Variants in GPATCH11 observed in about 807,000 individuals in gnomAD.
GPATCH11 encodes the protein G-patch domain containing 11.
GPATCH11 carries 32 observed loss-of-function variants against 44.8 expected under a neutral mutation model. That is an observed-to-expected ratio of 0.71 (90% CI 0.54 to 0.96). The LOEUF (loss-of-function observed/expected upper bound fraction) is 0.96. GPATCH11 is among the 40% of genes least tolerant of loss of function. GPATCH11 has a pLI of 0.00. For missense variants in GPATCH11, 324 were observed against 303.1 expected (o/e 1.07, Z -0.51); for synonymous variants, 84 against 94.4 (o/e 0.89, Z 0.64).
At chr2:37,093,180 A>T (rs1241061334) in intron 6 of GPATCH11, among the ~76,000 whole-genome samples, 2 of 151,986 alleles carry the variant, frequency 1.3e-5, no homozygotes, top group African/African-American at 4.8e-5. Context: ...TATCTAGTTC[A>T]AATTTGAATA....
In GPATCH11 at chr2:37,089,752, G is replaced by A. The variant is rs943560159; in HGVS notation, c.172G>A (p.Glu58Lys). 6 of 1,551,812 alleles carry A rather than the reference G, an allele frequency of 3.9e-6. No individual in the cohort carries two copies. In the East Asian group the frequency reaches 9.8e-5, roughly 25 times the overall value. Residue 58 changes from glutamate (E) to lysine (K), a missense_variant, in exon 3 of 9, where the codon GAA (glutamate) becomes AAA (lysine). Glu to Lys is a moderately conservative substitution (Grantham distance 56). Coordinates refer to ENST00000674370, the MANE Select transcript of GPATCH11 (RefSeq NM_174931.4). ...LKNRQKSLKE[E>K]EQERRDIGLK... is the part of the protein sequence containing the mutation. Reference sequence around the variant, plus strand: ...AAACAGGCAGAAGAGTTTAAAAGAAGAAGAACAAGAAAGACGTGACATTGG... The same window carrying A: ...AAACAGGCAGAAGAGTTTAAAAGAAAAAGAACAAGAAAGACGTGACATTGG...
chr2:37,091,261 T>C (rs1673304628), intron 4 of GPATCH11, among the ~76,000 whole-genome samples: 2 of 151,396 alleles, frequency 1.3e-5, no homozygotes, highest in Non-Finnish European at 1.5e-5. Flanking sequence ...GAGGCAGAGA[T>C]TGCAGTGAGC....
rs1673663622 is a variant in GPATCH11 at position 37,097,844 on chromosome 2, T to G, written c.*1581T>G. 2 of 152,208 alleles carry G rather than the reference T, an allele frequency of 1.3e-5. No individual in the cohort carries two copies. The highest frequency in any genetic ancestry group is 4.8e-5 in the African/African-American group (2 of 41,450). The allele number at this position is 152,208 out of a possible 1,614,324, so 9.4% of individuals were successfully genotyped here. On this transcript the variant is annotated 3_prime_UTR_variant, in exon 9 of 9. Transcript: ENST00000674370. ...TCTGATGCCATTAGTCACTGTGACT[T>G]GGGCATCACTGCCCTTGATTCTAAA...
intron 2 of GPATCH11, 86 bp downstream of exon 2, chr2:37,088,526 A>T (rs940970729): frequency 5.4e-6 from 4 of 734,468 alleles, no homozygotes; most frequent in East Asian, 2.9e-5. Context: ...ATTTTATTTT[A>T]TTTTTTTGAG....
intron 2 of GPATCH11, among the ~76,000 whole-genome samples, chr2:37,088,752 G>A (rs1673167570): frequency 6.6e-6 from 1 of 152,134 alleles, no homozygotes; most frequent in Non-Finnish European, 1.5e-5. Context: ...CAACTCCTGG[G>A]CTCAGGCGAT....
rs1413635682 is a variant in GPATCH11, at chr2:37,096,190, C to T, written c.737-18C>T. The T allele has an allele frequency of 2.0e-6, 3 of 1,492,236 alleles. No homozygotes were observed. Among genetic ancestry groups the T allele is most frequent in the East Asian group, 4.6e-5 (2 of 43,540 alleles). 92.4% of individuals were successfully genotyped at this position (1,492,236 alleles called of 1,614,324 possible). ...TAGAAGTTGTATTAATCTTTCATTT[C>T]CCTCACATAACTTACAGATAAAGAA... On this transcript the variant is annotated intron_variant, in intron 8 of 8. Coordinates refer to ENST00000674370, the MANE Select transcript of GPATCH11 (RefSeq NM_174931.4).
rs971845430 is a variant in GPATCH11, at chr2:37,098,606, A to G, written c.*2343A>G. 2 of 152,218 alleles carry G rather than the reference A, an allele frequency of 1.3e-5. No individual in the cohort carries two copies. Among genetic ancestry groups the G allele is most frequent in the Non-Finnish European group, 2.9e-5 (2 of 68,066 alleles). 9.4% of individuals were successfully genotyped at this position (152,218 alleles called of 1,614,324 possible). On this transcript the variant is annotated 3_prime_UTR_variant, in exon 9 of 9. Coordinates refer to ENST00000674370, the MANE Select transcript of GPATCH11 (RefSeq NM_174931.4). ...GGCCTAAAATATTTTAAATATGTTC[A>G]TGACAATTATGCTGAGAATGCCAGG...
chr2:37,091,768 C>A, intron 4 of GPATCH11, 148 bp from the exon 5 acceptor site: 1 of 552,014 alleles, frequency 1.8e-6, no homozygotes, highest in East Asian at 3.2e-5. Context: ...TAAAAAAAAC[C>A]CTAGTGTTTT....
At chr2:37,086,458 C>CAAAATGTATATATCA (rs1306768612) in intron 1 of GPATCH11, among the ~76,000 whole-genome samples, 1 of 152,046 alleles carries the variant, frequency 6.6e-6, no homozygotes, top group African/African-American at 2.4e-5. Context: ...TTGTGTTTAA[C>CAAAATGTATATATCA]ACAAGATATA....
At chr2:37,088,242 T>C in intron 1 of GPATCH11, 127 bp from the exon 2 acceptor site, 5 of 453,232 alleles carry the variant, frequency 1.1e-5, no homozygotes. Context: ...TGTCCACAGA[T>C]AAAGATGTCC....
chr2:37,094,004 G>T (rs1270397028), intron 6 of GPATCH11, 78 bp from the exon 7 acceptor site: 4 of 910,822 alleles, frequency 4.4e-6, no homozygotes, highest in Non-Finnish European at 7.1e-6. Context: ...TTGAAAGAAT[G>T]AATTCATGTT....
chr2:37,088,386 A>G lies in GPATCH11; in HGVS notation c.5A>G (p.Lys2Arg), dbSNP rs1321170148. The change falls in exon 2 of 9, where the codon AAG (lysine) becomes AGG (arginine). Residue 2 changes from lysine (K) to arginine (R), a missense_variant. Coordinates refer to ENST00000674370, the MANE Select transcript of GPATCH11 (RefSeq NM_174931.4). The stretch of plus-strand genomic sequence containing the variant: ...ATTTGTAGATACTATAGCCATATGA[A>G]GTTGAACATGGCAGAAGAAGAGGAC... The part of the protein sequence containing the change: M[K>R]LNMAEEEDYM... 5.1e-6 allele frequency: 8 copies of G among 1,553,952 alleles called. No homozygotes were observed. In the African/African-American group the frequency reaches 9.5e-5, roughly 18 times the overall value.
chr2:37,084,689 G>C (rs778506374), intron 1 of GPATCH11, 119 bp downstream of exon 1: 7 of 805,916 alleles, frequency 8.7e-6, no homozygotes, highest in African/African-American at 1.8e-5. Flanking sequence ...GGGTGGTTGC[G>C]TCTGTGGGAC....
At chr2:37,085,641 T>C (rs1299985228) in intron 1 of GPATCH11, among the ~76,000 whole-genome samples, 1 of 152,240 alleles carries the variant, frequency 6.6e-6, no homozygotes, top group Non-Finnish European at 1.5e-5. Context: ...AAAAGAGAGT[T>C]GCAACTGGAT....
chr2:37,092,008 G>C lies in GPATCH11; in HGVS notation c.421G>C (p.Ala141Pro). ...AAAAAAGATTCACATGAAAAACCAA[G>C]CTGAAGAAAAAGCTGCAGAACAGTT... is the stretch of plus-strand genomic sequence containing the variant. ...YRKKIHMKNQAEEKAAEQFRM... is the reference protein window; with the variant it reads ...YRKKIHMKNQPEEKAAEQFRM... The change falls in exon 5 of 9, where the codon GCT becomes CCT. Residue 141 changes from alanine (A) to proline (P), a missense_variant. By Grantham distance (27) the Ala-to-Pro change is conservative. Coordinates refer to ENST00000674370, the MANE Select transcript of GPATCH11 (RefSeq NM_174931.4). 6.2e-7 allele frequency: 1 copy of C among 1,613,198 alleles called. No homozygotes were observed. The highest frequency in any genetic ancestry group is 1.7e-4 in the Middle Eastern group (1 of 6,056).
rs1205226657 is a variant in GPATCH11, at chr2:37,098,234, A to G, written c.*1971A>G. ...GCTACTCAGAAGGCGGAGGCATGAG[A>G]ATTGCTTGAACCTGGGAGGCAGATA... On this transcript the variant is annotated 3_prime_UTR_variant, in exon 9 of 9. Transcript: ENST00000674370. The G allele has an allele frequency of 6.6e-6, 1 of 151,680 alleles. No individual in the cohort carries two copies. Among genetic ancestry groups the G allele is most frequent in the Non-Finnish European group, 1.5e-5 (1 of 67,968 alleles). The allele number at this position is 151,680 out of a possible 1,614,324, so 9.4% of individuals were successfully genotyped here.
chr2:37,096,441 A>C lies in GPATCH11; in HGVS notation c.*178A>C. ...TCATTGACTTGAAAAAAATAATGCA[A>C]TGGCATTTCAGAACACAAGTATCAC... is the stretch of plus-strand genomic sequence containing the variant. On this transcript the variant is annotated 3_prime_UTR_variant, in exon 9 of 9. Coordinates refer to ENST00000674370, the MANE Select transcript of GPATCH11 (RefSeq NM_174931.4). 1.8e-6 allele frequency: 1 copy of C among 570,354 alleles called. No individual in the cohort carries two copies. The highest frequency in any genetic ancestry group is 3.6e-5 in the Admixed American group (1 of 27,444). 35.3% of individuals were successfully genotyped at this position (570,354 alleles called of 1,614,324 possible).
At chr2:37,092,971 C>G (rs1673406453) in intron 6 of GPATCH11, among the ~76,000 whole-genome samples, 1 of 152,106 alleles carries the variant, frequency 6.6e-6, no homozygotes, top group Non-Finnish European at 1.5e-5. Flanking sequence ...CATTTCAAGA[C>G]TCCATCTCTA....
In GPATCH11 at chr2:37,089,724, G is replaced by C. The variant is rs1295986223; in HGVS notation, c.144G>C (p.Leu48Phe). 15 of 1,551,756 alleles carry C rather than the reference G, an allele frequency of 9.7e-6. No individual in the cohort carries two copies. The highest frequency in any genetic ancestry group is 1.3e-5 in the Non-Finnish European group (15 of 1,147,038). The change falls in exon 3 of 9, where the codon TTG becomes TTC. Residue 48 changes from leucine (L) to phenylalanine (F), a missense_variant. By Grantham distance (22) the Leu-to-Phe change is conservative. Transcript: ENST00000674370. ...AAGAAAAGCAACAGGAAGCCAATTT[G>C]AAAAACAGGCAGAAGAGTTTAAAAG... is the stretch of plus-strand genomic sequence containing the variant. ...RKEEKQQEAN[L>F]KNRQKSLKEE...
Sources: gnomAD v4.1 joint callset for allele counts (sites outside exome capture counted in the v4.1 genomes callset) on GRCh38, gnomAD v4.1.1 for gene constraint, MANE v1.5 for transcripts, NCBI Gene and HGNC (gene_info 2026-07-23, HGNC 2026-07-21) for gene names.